Variants in IQCM observed in about 807,000 individuals in gnomAD.
IQCM encodes the protein IQ domain-containing protein M.
IQCM carries 45 observed loss-of-function variants against 57.6 expected under a neutral mutation model. The ratio of observed to expected loss-of-function variants is 0.78; its 90% confidence interval spans 0.62 to 1.00. The LOEUF (loss-of-function observed/expected upper bound fraction) is 1.00, where lower values mean the gene tolerates loss of function less well. IQCM is among the 50% of genes least tolerant of loss of function. The probability of loss-of-function intolerance (pLI) is 0.00; values close to 1 mark genes in which losing one functional copy is unlikely to be tolerated. For synonymous variants in IQCM, 148 were observed against 158.9 expected, an observed-to-expected ratio of 0.93 and a Z score of 0.51; for missense variants, 468 against 511.6, an observed-to-expected ratio of 0.91 and a Z score of 0.82.
chr4:149,703,539 T>C (rs1400308105), intron 5 of IQCM, among the ~76,000 whole-genome samples: 3 of 151,912 alleles, frequency 2.0e-5, no homozygotes, highest in East Asian at 1.9e-4. Flanking sequence ...TACAGACCAA[T>C]AGGGCTTTCA....
At chr4:149,443,086 T>C (rs924691114) in intron 12 of IQCM, among the ~76,000 whole-genome samples, 2 of 151,904 alleles carry the variant, frequency 1.3e-5, no homozygotes, top group African/African-American at 4.8e-5. Flanking sequence ...GAAAAGCAAG[T>C]TGAAACTCTT....
intron 2 of IQCM, among the ~76,000 whole-genome samples, chr4:149,753,773 T>C (rs1435091074): frequency 9.1e-6 from 1 of 109,740 alleles, no homozygotes; most frequent in East Asian, 2.9e-4. Context: ...AAAAAAGATA[T>C]AAAGGAAAAA....
chr4:149,573,704 G>A (rs1751375335), intron 9 of IQCM, among the ~76,000 whole-genome samples: 1 of 151,014 alleles, frequency 6.6e-6, no homozygotes, highest in South Asian at 2.1e-4. Flanking sequence ...AGGTGGCTTA[G>A]ACAGGAGAAT....
chr4:149,455,997 T>A (rs1258569922), intron 12 of IQCM, among the ~76,000 whole-genome samples: 1 of 151,648 alleles, frequency 6.6e-6, no homozygotes, highest in Non-Finnish European at 1.5e-5. Flanking sequence ...AATAAAATTT[T>A]AAAAAAGAAA....
At chr4:149,579,110 C>T (rs1751931483) in intron 9 of IQCM, among the ~76,000 whole-genome samples, 1 of 151,752 alleles carries the variant, frequency 6.6e-6, no homozygotes, top group African/African-American at 2.4e-5. Flanking sequence ...TCTGCTTGCT[C>T]CTCCTTGGAC....
chr4:149,705,915 T>TA (rs72347789), intron 5 of IQCM, among the ~76,000 whole-genome samples: 4,405 of 148,536 alleles, frequency 0.03, 139 homozygotes, highest in South Asian at 0.15. Context: ...AAGACACAAA[T>TA]AAAAAAAAAA....
At chr4:149,557,710 C>T (rs1749724185) in intron 10 of IQCM, among the ~76,000 whole-genome samples, 1 of 152,194 alleles carries the variant, frequency 6.6e-6, no homozygotes, top group Non-Finnish European at 1.5e-5. Context: ...ACCTTCTTCT[C>T]CTGCAACAAT....
chr4:149,590,178 C>T (rs1016126718), intron 8 of IQCM, among the ~76,000 whole-genome samples: 9 of 150,400 alleles, frequency 6.0e-5, no homozygotes, highest in Non-Finnish European at 1.0e-4. Flanking sequence ...TCCAACTTCA[C>T]TGCCTTTGCA....
rs57465501 is a variant in IQCM at position 149,481,701 on chromosome 4, G to GTTT, written c.1229-48147_1229-48145dup. 6.3e-3 allele frequency among the ~76,000 whole-genome samples: 327 copies of GTTT among 51,560 alleles called. 11 individuals carry two copies. Among genetic ancestry groups the GTTT allele is most frequent in the African/African-American group, 0.017 (230 of 13,210 alleles). 33.8% of individuals were successfully genotyped at this position (51,560 alleles called of 152,430 possible). A position where few individuals can be genotyped will look rare whatever the true frequency, so the allele number is the denominator to read the frequency against. On this transcript the variant is annotated intron_variant, in intron 12 of 13. Coordinates refer to ENST00000636793, the MANE Select transcript of IQCM (RefSeq NM_001363507.2). ...CATGTAATGTGATTCTTCCAGTTTT[G>GTTT]TTTTTTTTTTTTTTTTTTTTTGCTT...
At chr4:149,711,273 G>A (rs1335227558) in intron 5 of IQCM, 1 of 152,146 alleles carries the variant, frequency 6.6e-6, no homozygotes, top group Admixed American at 6.5e-5. Flanking sequence ...AGGCACTTGA[G>A]AGACCCTCAT....
intron 2 of IQCM, among the ~76,000 whole-genome samples, chr4:149,744,962 C>A (rs542083140): frequency 4.1e-4 from 63 of 152,242 alleles, no homozygotes; most frequent in African/African-American, 1.4e-3. Flanking sequence ...ACTATGAGTT[C>A]AAATGAAGAC....
chr4:149,537,834 A>T (rs1003475076), intron 12 of IQCM, among the ~76,000 whole-genome samples: 1 of 151,830 alleles, frequency 6.6e-6, no homozygotes, highest in South Asian at 2.1e-4. Flanking sequence ...ACTGAAAAAT[A>T]AAAAATTGGC....
At chr4:149,629,468 A>T (rs534179857) in intron 7 of IQCM, among the ~76,000 whole-genome samples, 1 of 152,196 alleles carries the variant, frequency 6.6e-6, no homozygotes, top group South Asian at 2.1e-4. Flanking sequence ...AGCAATTCAA[A>T]CTAAATCACC....
chr4:149,534,381 T>C (rs193266585), intron 12 of IQCM, among the ~76,000 whole-genome samples: 2 of 152,282 alleles, frequency 1.3e-5, no homozygotes, highest in East Asian at 3.9e-4. Flanking sequence ...AAGTTGTTAA[T>C]GCCGATAGGC....
intron 13 of IQCM, among the ~76,000 whole-genome samples, chr4:149,369,479 C>T (rs78476533): frequency 0.025 from 3,857 of 152,108 alleles, 201 homozygotes; most frequent in South Asian, 0.13. Flanking sequence ...GCATTTTACC[C>T]CAAATGTTCT....
chr4:149,663,242 T>C (rs1462712161), intron 7 of IQCM, among the ~76,000 whole-genome samples: 1 of 152,010 alleles, frequency 6.6e-6, no homozygotes, highest in African/African-American at 2.4e-5. Context: ...ATGTAGTATG[T>C]GTTCCTCTGC....
intron 12 of IQCM, among the ~76,000 whole-genome samples, chr4:149,484,260 G>A (rs1156718026): frequency 2.0e-5 from 3 of 151,646 alleles, no homozygotes; most frequent in Non-Finnish European, 4.4e-5. Flanking sequence ...CCATTCAGCC[G>A]CTTTATGTCT....
chr4:149,645,168 G>A (rs1758530342), intron 7 of IQCM, among the ~76,000 whole-genome samples: 1 of 152,106 alleles, frequency 6.6e-6, no homozygotes, highest in Non-Finnish European at 1.5e-5. Context: ...TTCCAGAAAT[G>A]TCTTATACAT....
chr4:149,516,925 C>A (rs1745029278), intron 12 of IQCM, among the ~76,000 whole-genome samples: 1 of 151,894 alleles, frequency 6.6e-6, no homozygotes. Context: ...AATATCAAGA[C>A]AAAATTAGTC....
Sources: gnomAD v4.1 joint callset for allele counts (sites outside exome capture counted in the v4.1 genomes callset) on GRCh38, gnomAD v4.1.1 for gene constraint, MANE v1.5 for transcripts, NCBI Gene and HGNC (gene_info 2026-07-23, HGNC 2026-07-21) for gene names.